Variants in CTNNA2 observed in about 807,000 individuals in gnomAD.
CTNNA2 encodes catenin alpha 2, also known as catenin alpha-2.
CTNNA2 carries 42 observed loss-of-function variants against 101.0 expected under a neutral mutation model. The observed-to-expected ratio is 0.42, with a 90% CI of 0.32 to 0.54. The LOEUF (loss-of-function observed/expected upper bound fraction) is 0.54, where lower values mean the gene tolerates loss of function less well. Ranked by LOEUF, CTNNA2 falls within the 20% of genes least tolerant of loss-of-function variation. The probability of loss-of-function intolerance (pLI) is 0.14; values close to 1 mark genes in which losing one functional copy is unlikely to be tolerated. For synonymous variants in CTNNA2, 450 were observed against 456.4 expected (o/e 0.99, Z 0.18); for missense variants, 871 against 1,223.1 (o/e 0.71, Z 4.29).
At chr2:80,255,869 C>T (rs116064249) in intron 7 of CTNNA2, among the ~76,000 whole-genome samples, 2,733 of 152,202 alleles carry the variant, frequency 0.018, 40 homozygotes, top group Non-Finnish European at 0.026. Context: ...TTTTAGTATC[C>T]GGGAAAATAA....
At chr2:79,583,551 G>C (rs1377728222) in intron 1 of CTNNA2, among the ~76,000 whole-genome samples, 1 of 151,952 alleles carries the variant, frequency 6.6e-6, no homozygotes, top group African/African-American at 2.4e-5. Flanking sequence ...ATTGACCTAG[G>C]TTTACTAGGC....
intron 7 of CTNNA2, among the ~76,000 whole-genome samples, chr2:80,022,827 G>T (rs1694664348): frequency 6.6e-6 from 1 of 152,178 alleles, no homozygotes; most frequent in South Asian, 2.1e-4. Context: ...CACTCGTATG[G>T]CAGGCCTTTT....
chr2:80,627,117 A>G (rs955282000), intron 18 of CTNNA2, among the ~76,000 whole-genome samples: 3 of 152,064 alleles, frequency 2.0e-5, no homozygotes, highest in African/African-American at 7.2e-5. Context: ...TCTATCATTG[A>G]TGGGCATTTG....
At chr2:80,164,165 T>C (rs994767809) in intron 7 of CTNNA2, among the ~76,000 whole-genome samples, 8 of 151,946 alleles carry the variant, frequency 5.3e-5, no homozygotes, top group African/African-American at 1.9e-4. Context: ...ATTATTGGTA[T>C]GCTAAAGCTT....
chr2:79,908,315 G>C (rs191018318), intron 6 of CTNNA2, among the ~76,000 whole-genome samples: 1 of 152,130 alleles, frequency 6.6e-6, no homozygotes, highest in Admixed American at 6.5e-5. Flanking sequence ...TTTAAATTTG[G>C]TGAATATATA....
intron 4 of CTNNA2, among the ~76,000 whole-genome samples, chr2:79,472,423 T>C (rs937614875): frequency 9.9e-5 from 15 of 152,196 alleles, no homozygotes; most frequent in African/African-American, 3.6e-4. Context: ...TGGTCCCACC[T>C]TTCAAAACCA....
chr2:79,348,631 G>T (rs1677316081), intron 3 of CTNNA2, among the ~76,000 whole-genome samples: 1 of 152,164 alleles, frequency 6.6e-6, no homozygotes, highest in Admixed American at 6.5e-5. Flanking sequence ...CTGCCTAAAA[G>T]GTAACTAGGG....
At chr2:80,058,641 T>C (rs966754240) in intron 7 of CTNNA2, among the ~76,000 whole-genome samples, 1 of 152,154 alleles carries the variant, frequency 6.6e-6, no homozygotes, top group Non-Finnish European at 1.5e-5. Flanking sequence ...GCCAGAGAAG[T>C]AGGATCTTGG....
intron 9 of CTNNA2, among the ~76,000 whole-genome samples, chr2:80,431,693 T>C (rs1308766189): frequency 6.6e-6 from 1 of 152,184 alleles, no homozygotes; most frequent in Non-Finnish European, 1.5e-5. Flanking sequence ...CTTATTGTAC[T>C]CCCATAACTT....
chr2:80,539,941 A>C (rs1290261430), intron 9 of CTNNA2, among the ~76,000 whole-genome samples: 1 of 152,228 alleles, frequency 6.6e-6, no homozygotes, highest in Non-Finnish European at 1.5e-5. Flanking sequence ...TAAATAATTC[A>C]AGAGTGGAGA....
chr2:80,204,409 C>T (rs143192024), intron 7 of CTNNA2, among the ~76,000 whole-genome samples: 3,815 of 152,270 alleles, frequency 0.025, 83 homozygotes, highest in Non-Finnish European at 0.039. Flanking sequence ...TTTCTTCTGC[C>T]AGATACCCTA....
intron 9 of CTNNA2, among the ~76,000 whole-genome samples, chr2:80,454,936 A>G (rs1574077842): frequency 6.6e-6 from 1 of 152,350 alleles, no homozygotes; most frequent in South Asian, 2.1e-4. Flanking sequence ...GAAGCTGTGA[A>G]ATCATATCAG....
At chr2:80,232,379 T>G (rs1709303585) in intron 7 of CTNNA2, among the ~76,000 whole-genome samples, 4 of 96,230 alleles carry the variant, frequency 4.2e-5, no homozygotes, top group South Asian at 3.3e-4. Context: ...TTTTTTTTTT[T>G]TTTTTTTTTG....
intron 8 of CTNNA2, among the ~76,000 whole-genome samples, chr2:80,407,688 C>T (rs1046878245): frequency 6.6e-6 from 1 of 152,170 alleles, no homozygotes; most frequent in East Asian, 1.9e-4. Context: ...ACCTTGAATC[C>T]AACTACGTTT....
intron 1 of CTNNA2, among the ~76,000 whole-genome samples, chr2:79,640,788 A>G (rs1476838164): frequency 1.3e-5 from 2 of 152,326 alleles, no homozygotes; most frequent in Non-Finnish European, 2.9e-5. Flanking sequence ...ACTCTCTACT[A>G]TATGCTGCAG....
intron 7 of CTNNA2, among the ~76,000 whole-genome samples, chr2:80,033,163 A>C (rs1466254778): frequency 9.2e-5 from 14 of 151,570 alleles, no homozygotes; most frequent in South Asian, 2.1e-4. Flanking sequence ...AAAAAAAAAA[A>C]AAACAAACAC....
At chr2:80,040,565 TGTTGG>T in intron 7 of CTNNA2, among the ~76,000 whole-genome samples, 1 of 152,312 alleles carries the variant, frequency 6.6e-6, no homozygotes, top group African/African-American at 2.4e-5. Flanking sequence ...TTATTTACAT[TGTTGG>T]GCCCGGGTTG....
chr2:79,580,371 A>G (rs975006911), intron 1 of CTNNA2, among the ~76,000 whole-genome samples: 1 of 152,176 alleles, frequency 6.6e-6, no homozygotes, highest in Non-Finnish European at 1.5e-5. Context: ...CAAAGAATGC[A>G]GTGGTGGAAG....
At chr2:79,203,059 A>G (rs1258211119) in intron 2 of CTNNA2, among the ~76,000 whole-genome samples, 1 of 151,208 alleles carries the variant, frequency 6.6e-6, no homozygotes, top group African/African-American at 2.4e-5. Flanking sequence ...CCTCACTACT[A>G]CTCTCTTCTC....
Sources: allele counts gnomAD v4.1 joint callset (sites outside exome capture counted in the v4.1 genomes callset), GRCh38; gene constraint gnomAD v4.1.1; transcripts MANE v1.5; gene names NCBI Gene and HGNC (gene_info 2026-07-23, HGNC 2026-07-21).